The following NBPF12 variants were observed in gnomAD, a reference collection of about 807,000 sequenced individuals.
NBPF12 encodes the protein NBPF member 12, also known as NBPF family member NBPF12.
A neutral mutation model predicts 146.4 loss-of-function variants in NBPF12; 115 were observed. The observed-to-expected ratio is 0.79, with a 90% CI of 0.68 to 0.92. NBPF12 has a LOEUF of 0.92. Ranked by LOEUF, NBPF12 falls within the 40% of genes least tolerant of loss-of-function variation. NBPF12 has a pLI of 0.00. For missense variants in NBPF12, 1,205 were observed against 1,326.8 expected, an observed-to-expected ratio of 0.91 and a Z score of 1.43; for synonymous variants, 385 against 508.9, an observed-to-expected ratio of 0.76 and a Z score of 3.28.
At chr1:146,970,857 G>C in intron 12 of NBPF12, 138 bp downstream of exon 15, 1 of 1,005,930 alleles carries the variant, frequency 9.9e-7, no homozygotes, top group Non-Finnish European at 1.6e-6. Context: ...ACCCAGCTTA[G>C]ACACAGGGTG....
chr1:146,968,661 T>C (rs1217037337), intron 10 of NBPF12, 111 bp downstream of exon 13: 17 of 972,224 alleles, frequency 1.7e-5, no homozygotes, highest in South Asian at 1.3e-4. Context: ...AGGGCAGGAA[T>C]TGCCATGGCA....
intron 1 of NBPF12, among the ~76,000 whole-genome samples, 172 bp from the exon 5 acceptor site, chr1:146,951,176 A>G (rs1292160326): frequency 1.3e-5 from 2 of 152,090 alleles, no homozygotes; most frequent in Non-Finnish European, 2.9e-5. Flanking sequence ...GGGATTCAGG[A>G]AGGAGTTTAA....
chr1:146,982,045 C>G (rs1171066041), intron 19 of NBPF12, among the ~76,000 whole-genome samples: 1 of 149,250 alleles, frequency 6.7e-6, no homozygotes, highest in African/African-American at 2.6e-5. Flanking sequence ...CTTTCTGAAG[C>G]CTACTTCTGT....
chr1:146,984,253 C>G (rs1257924301), intron 21 of NBPF12, 68 bp downstream of exon 24: 143 of 803,092 alleles, frequency 1.8e-4, no homozygotes, highest in Admixed American at 1.6e-3. Flanking sequence ...CCAGGGAAAA[C>G]AGTACACGCT....
chr1:146,966,110 C>T (rs1332242974), intron 8 of NBPF12, among the ~76,000 whole-genome samples: 5 of 151,554 alleles, frequency 3.3e-5, no homozygotes, highest in South Asian at 2.1e-4. Flanking sequence ...CCGTCTCAAA[C>T]AGAAAACAAA....
chr1:146,965,403 G>C (rs1202552401), intron 8 of NBPF12, among the ~76,000 whole-genome samples: 1 of 151,200 alleles, frequency 6.6e-6, no homozygotes, highest in Non-Finnish European at 1.5e-5. Flanking sequence ...AGGAGACTTA[G>C]GTGGGAGGAT....
Position 146,966,476 on chromosome 1 carries a change from C to T in NBPF12, c.791C>T (p.Thr264Ile), listed in dbSNP as rs1235098492. 5.0e-6 allele frequency: 7 copies of T among 1,393,402 alleles called. No homozygotes were observed. The East Asian group carries it at 1.6e-4, about 32-fold the overall frequency. 86.3% of individuals were successfully genotyped at this position (1,393,402 alleles called of 1,614,324 possible). A position where few individuals can be genotyped will look rare whatever the true frequency, so the allele number is the denominator to read the frequency against. Residue 264 changes from threonine to isoleucine, a missense_variant, in exon 9 of 34, where the codon ACC becomes ATC. Physicochemically the swap from Thr to Ile is moderately conservative, Grantham distance 89. Transcript: ENST00000617844. ...TTCTTCTCCCCAGTCCCTGGCCCCA[C>T]CTCTTCTGCCACAAACGTCAGCATG...
chr1:146,954,900 CGT>C (rs1185399956), intron 2 of NBPF12, among the ~76,000 whole-genome samples: 4,530 of 110,838 alleles, frequency 0.041, 208 homozygotes, highest in African/African-American at 0.078. Context: ...CACACACAAA[CGT>C]GTGTGTGTGT....
chr1:146,942,386 T>C (rs1175227528), intron 1 of NBPF12, among the ~76,000 whole-genome samples: 3 of 151,734 alleles, frequency 2.0e-5, no homozygotes, highest in East Asian at 1.9e-4. Context: ...TTATTGTTAT[T>C]ATTTTTTTTG....
At chr1:146,994,716 G>T in exon 34 of NBPF12, 3 of 1,380,628 alleles carry the variant, frequency 2.2e-6, no homozygotes, top group Non-Finnish European at 2.9e-6. Context: ...TATTCTCAGA[G>T]CATGCCAGTG....
At chr1:146,971,141 G>T in intron 12 of NBPF12, 42 bp from the exon 16 acceptor site, 1 of 1,609,848 alleles carries the variant, frequency 6.2e-7, no homozygotes. Context: ...CAATCCCTCT[G>T]TGTTTAATCT....
At chr1:146,987,562 T>C (rs1657853310) in intron 25 of NBPF12, among the ~76,000 whole-genome samples, 5 of 152,128 alleles carry the variant, frequency 3.3e-5, no homozygotes, top group Admixed American at 3.3e-4. Flanking sequence ...TGGAAAATTA[T>C]TGAGCACAGT....
chr1:146,946,983 CTGTA>C (rs1655105232), upstream of NBPF12, among the ~76,000 whole-genome samples: 3 of 151,974 alleles, frequency 2.0e-5, no homozygotes, highest in Non-Finnish European at 4.4e-5. Context: ...GATCAGTGGA[CTGTA>C]TGTAGGCCTG....
chr1:146,980,981 G>A (rs1171780632), intron 19 of NBPF12, among the ~76,000 whole-genome samples: 4 of 134,436 alleles, frequency 3.0e-5, no homozygotes, highest in Non-Finnish European at 6.2e-5. Context: ...TCCTTTGTAG[G>A]GGCATGGATG....
At chr1:146,956,017 C>A (rs1470756773) in intron 2 of NBPF12, among the ~76,000 whole-genome samples, 6 of 151,566 alleles carry the variant, frequency 4.0e-5, no homozygotes, top group African/African-American at 1.5e-4. Context: ...TTAATTGAAC[C>A]ACTCAGTCGC....
intron 15 of NBPF12, among the ~76,000 whole-genome samples, chr1:146,975,371 G>A (rs1460353903): frequency 6.8e-6 from 1 of 146,596 alleles, no homozygotes; most frequent in African/African-American, 2.6e-5. Context: ...AAATGTCCAT[G>A]GCCAGAGTGA....
chr1:146,966,560 A>T, exon 9 of NBPF12: 5 of 1,395,730 alleles, frequency 3.6e-6, no homozygotes, highest in Non-Finnish European at 5.1e-6. Context: ...CTAGAAATCA[A>T]TGAGAAGTTG....
At chr1:146,973,273 T>C (rs1229984605) in intron 14 of NBPF12, among the ~76,000 whole-genome samples, 44 of 150,930 alleles carry the variant, frequency 2.9e-4, no homozygotes, top group African/African-American at 7.2e-4. Flanking sequence ...CTCTGTACCA[T>C]ATAAGATCCT....
intron 12 of NBPF12, 27 bp downstream of exon 15, chr1:146,970,746 A>C (rs1656549135): frequency 7.7e-7 from 1 of 1,305,082 alleles, no homozygotes. Flanking sequence ...AGGAGCAAGT[A>C]ATGGGTGTTA....
Sources: gnomAD v4.1 joint callset for allele counts (sites outside exome capture counted in the v4.1 genomes callset) on GRCh38, gnomAD v4.1.1 for gene constraint, MANE v1.5 for transcripts, NCBI Gene and HGNC (gene_info 2026-07-23, HGNC 2026-07-21) for gene names.